The following TENM4 variants were observed in gnomAD, a reference collection of about 807,000 sequenced individuals.
TENM4 encodes the protein teneurin transmembrane protein 4, also known as teneurin-4.
In TENM4, 82 loss-of-function variants were observed where a neutral mutation model predicts 243.3. The ratio of observed to expected loss-of-function variants is 0.34; its 90% CI spans 0.28 to 0.40. The LOEUF (loss-of-function observed/expected upper bound fraction) is 0.40, where lower values mean the gene tolerates loss of function less well. TENM4 is among the 10% of genes least tolerant of loss of function. TENM4 has a pLI of 1.00. For missense variants in TENM4, 3,138 were observed against 3,673.3 expected, an observed-to-expected ratio of 0.85 and a Z score of 3.77; for synonymous variants, 1,412 against 1,456.3, an observed-to-expected ratio of 0.97 and a Z score of 0.69.
intron 2 of TENM4, among the ~76,000 whole-genome samples, chr11:79,263,904 T>C (rs190081158): frequency 3.3e-5 from 5 of 152,198 alleles, no homozygotes; most frequent in Non-Finnish European, 7.3e-5. Flanking sequence ...GACCTCCCTA[T>C]GCATGGCCTA....
At chr11:79,282,481 C>T (rs888717102) in intron 2 of TENM4, among the ~76,000 whole-genome samples, 1 of 152,250 alleles carries the variant, frequency 6.6e-6, no homozygotes, top group Admixed American at 6.5e-5. Context: ...ATCTTTACTG[C>T]AGAGAAACTG....
At chr11:79,392,185 C>T (rs140851178) in intron 1 of TENM4, among the ~76,000 whole-genome samples, 84 of 152,294 alleles carry the variant, frequency 5.5e-4, no homozygotes, top group Non-Finnish European at 8.7e-4. Flanking sequence ...GGTCTCAGAG[C>T]GGAAACCTTA....
intron 1 of TENM4, among the ~76,000 whole-genome samples, chr11:79,335,582 C>T (rs544538447): frequency 1.2e-4 from 19 of 152,298 alleles, no homozygotes; most frequent in African/African-American, 4.3e-4. Flanking sequence ...GCAGATCCTT[C>T]TCAGAAGACA....
intron 1 of TENM4, among the ~76,000 whole-genome samples, chr11:79,312,289 A>T (rs1342737965): frequency 1.3e-5 from 2 of 152,214 alleles, no homozygotes; most frequent in Non-Finnish European, 2.9e-5. Flanking sequence ...TGGCCCTGGC[A>T]TCCAGGAAAG....
intron 32 of TENM4, among the ~76,000 whole-genome samples, chr11:78,666,022 AC>A (rs1186892501): frequency 1.3e-5 from 2 of 150,242 alleles, no homozygotes; most frequent in African/African-American, 4.9e-5. Flanking sequence ...ACATCTCAGG[AC>A]CCTTGAAGAA....
At chr11:79,288,663 C>T (rs150678247) in intron 2 of TENM4, among the ~76,000 whole-genome samples, 10 of 152,330 alleles carry the variant, frequency 6.6e-5, no homozygotes, top group African/African-American at 1.2e-4. Flanking sequence ...TCTTGCAAGA[C>T]GTTACATCTT....
chr11:79,228,368 C>T (rs1009092343), intron 2 of TENM4, among the ~76,000 whole-genome samples: 6 of 152,160 alleles, frequency 3.9e-5, no homozygotes, highest in Non-Finnish European at 1.5e-5. Flanking sequence ...ACCAATGTCG[C>T]CCACAGGAAC....
chr11:78,669,462 C>G lies in TENM4; in HGVS notation c.6883G>C (p.Gly2295Arg), dbSNP rs764728212. Residue 2295 changes from glycine (G) to arginine (R), a missense_variant, in exon 32 of 34, where the codon GGC (glycine) becomes CGC (arginine). Transcript: ENST00000278550. This position sits in a 1 kb window ranked among gnomAD's most constrained non-coding sequence, Gnocchi z 6.4. The part of the protein sequence containing the change: ...GSWSVRYRYD[G>R]LGRRVSSKSS... ...TTGCTGGACACGCGCCGCCCCAGGCCATCGTAGCGGTACCTGACACTCCAG... is the reference window on the plus strand; with the variant it reads ...TTGCTGGACACGCGCCGCCCCAGGCGATCGTAGCGGTACCTGACACTCCAG... The G allele has an allele frequency of 1.2e-6, 2 of 1,613,292 alleles. No homozygotes were observed. The highest frequency in any genetic ancestry group is 1.7e-6 in the Non-Finnish European group (2 of 1,179,496).
rs186106074 is a variant in TENM4, at chr11:79,143,419, C to T, written c.-66+5291G>A. On this transcript the variant is annotated intron_variant, in intron 4 of 33. Transcript: ENST00000278550. ...GAAACCATCATTCTGAGCAAACTAT[C>T]GCAAGGACAGAAAACCAAACACTGC... Among the ~76,000 whole-genome samples, 1,400 of 152,098 alleles carry T rather than the reference C, an allele frequency of 9.2e-3. 21 individuals carry two copies. Among genetic ancestry groups the T allele is most frequent in the African/African-American group, 0.033 (1,349 of 41,484 alleles).
chr11:78,674,468 C>T (rs538023927), intron 30 of TENM4, among the ~76,000 whole-genome samples: 2 of 152,302 alleles, frequency 1.3e-5, no homozygotes, highest in East Asian at 1.9e-4. Flanking sequence ...TCATGCTAAT[C>T]GCTGCCATTT....
intron 18 of TENM4, among the ~76,000 whole-genome samples, chr11:78,763,072 G>T (rs190359398): frequency 6.6e-6 from 1 of 152,212 alleles, no homozygotes; most frequent in East Asian, 1.9e-4. Flanking sequence ...TCTGTGTTTT[G>T]TATATTTGCT....
chr11:79,170,375 T>A (rs1424172116), intron 3 of TENM4, among the ~76,000 whole-genome samples: 1 of 152,004 alleles, frequency 6.6e-6, no homozygotes, highest in Non-Finnish European at 1.5e-5. Flanking sequence ...ACTTGAGAGG[T>A]GTTATAGGTC....
intron 1 of TENM4, among the ~76,000 whole-genome samples, chr11:79,345,523 GA>G (rs1162836424): frequency 6.6e-6 from 1 of 152,154 alleles, no homozygotes; most frequent in African/African-American, 2.4e-5. Flanking sequence ...AGTGTATCAA[GA>G]GGCTTAATCT....
chr11:78,946,049 G>C (rs1263243660), intron 6 of TENM4, among the ~76,000 whole-genome samples: 1 of 152,234 alleles, frequency 6.6e-6, no homozygotes, highest in East Asian at 1.9e-4. Flanking sequence ...AGCTAAGATT[G>C]TTGATGAAGG....
intron 2 of TENM4, among the ~76,000 whole-genome samples, chr11:79,256,301 T>C (rs1296124555): frequency 6.6e-6 from 1 of 152,228 alleles, no homozygotes; most frequent in Non-Finnish European, 1.5e-5. Flanking sequence ...TCTGAAACCC[T>C]GCTCCTCTCT....
chr11:78,780,054 G>A (rs1242017037), intron 16 of TENM4, among the ~76,000 whole-genome samples: 1 of 152,142 alleles, frequency 6.6e-6, no homozygotes, highest in East Asian at 1.9e-4. Context: ...TTTAACTGAG[G>A]CTACATGCTT....
chr11:78,938,248 T>C (rs1856826710), intron 6 of TENM4, among the ~76,000 whole-genome samples: 1 of 152,242 alleles, frequency 6.6e-6, no homozygotes, highest in African/African-American at 2.4e-5. Context: ...ACCCTGCCAT[T>C]CACCCTAGGT....
At chr11:79,294,632 T>C (rs535969965) in intron 2 of TENM4, among the ~76,000 whole-genome samples, 1 of 152,298 alleles carries the variant, frequency 6.6e-6, no homozygotes, top group East Asian at 1.9e-4. Flanking sequence ...GCAAATCATC[T>C]GAGATCAGGA....
Position 79,064,793 on chromosome 11 carries a change from G to A in TENM4, c.438C>T (p.Ser146=). The part of the protein sequence containing the change: ...TRSGRSSCLS[S]RANSNLTLTD... ...TGAGTGTGAGATTGGAATTGGCCCG[G>A]CTGGACAGGCAGGAGCTGCGCCCTG... The change falls in exon 6 of 34, where the codon AGC becomes AGT. Residue 146 remains serine (S), a synonymous_variant. Coordinates refer to ENST00000278550, the MANE Select transcript of TENM4 (RefSeq NM_001098816.3). 1 of 1,551,678 alleles carries A rather than the reference G, an allele frequency of 6.4e-7. No homozygotes were observed.
Sources: allele counts gnomAD v4.1 joint callset (sites outside exome capture counted in the v4.1 genomes callset), GRCh38; gene constraint gnomAD v4.1.1; non-coding constraint Gnocchi (gnomAD v3.1); transcripts MANE v1.5; gene names NCBI Gene and HGNC (gene_info 2026-07-23, HGNC 2026-07-21).